Variants in BEST4 observed in about 807,000 individuals in gnomAD.
The protein encoded by BEST4 is bestrophin 4, also known as bestrophin-4.
Under a neutral mutation model 47.1 loss-of-function variants are expected in BEST4, and 36 were observed. The observed-to-expected ratio is 0.76, with a 90% confidence interval of 0.59 to 1.01. The LOEUF (loss-of-function observed/expected upper bound fraction) is 1.01. Among genes scored for constraint, BEST4 ranks in the 50% least tolerant of loss-of-function variants. The pLI, the probability that BEST4 is intolerant of heterozygous loss-of-function variation, is 0.00. For synonymous variants in BEST4, 250 were observed against 277.8 expected (o/e 0.90, Z 1.00); for missense variants, 550 against 648.6 (o/e 0.85, Z 1.65).
upstream of BEST4, among the ~76,000 whole-genome samples, chr1:44,792,538 C>T (rs1651439327): frequency 6.6e-6 from 1 of 152,092 alleles, no homozygotes; most frequent in Admixed American, 6.6e-5. Flanking sequence ...CACAATAGCA[C>T]CAGGTGAGTG....
rs773139236 is a variant in BEST4 at position 44,787,645 on chromosome 1, GC to G, written c.60del (p.Leu21PhefsTer34). 4 of 1,614,120 alleles carry G rather than the reference GC, an allele frequency of 2.5e-6. No homozygotes were observed. The highest frequency in any genetic ancestry group is 3.4e-6 in the Non-Finnish European group (4 of 1,180,038). On this transcript the variant is annotated frameshift_variant, in exon 1 of 9. Coordinates refer to ENST00000372207, the MANE Select transcript of BEST4 (RefSeq NM_153274.3). LOFTEE classifies it high-confidence loss of function. Reference protein sequence around the residue: ...AEARFGGFSGLLLRWRGSIYK... With the variant: ...AEARFGGFSGXLLRWRGSIYK... ...TAGATGCTTCCCCTCCAGCGGAGAA[GC>G]AGGCCAGAGAAACCTCCGAAGCGGG...
Position 44,785,665 on chromosome 1 carries a change from C to T in BEST4, c.648G>A (p.Lys216=), listed in dbSNP as rs1201675407. 6.4e-6 allele frequency: 10 copies of T among 1,553,834 alleles called. 1 individual carries two copies. The Admixed American group carries it at 1.8e-4, about 27-fold the overall frequency. Residue 216 remains lysine, a synonymous_variant, in exon 5 of 9, where the codon AAG becomes AAA. Coordinates refer to ENST00000372207, the MANE Select transcript of BEST4 (RefSeq NM_153274.3). ...ALCLLLEELN[K]YRAKCSMLFH... ...ATAGCATGCTGCACTTGGCTCGGTA[C>T]TTGTTCAGCTCCTGGGGGAACAGCA...
chr1:44,787,664 G>A lies in BEST4; in HGVS notation c.42C>T (p.Phe14=), dbSNP rs754871004. The part of the protein sequence containing the change: ...SYTLKVAEAR[F]GGFSGLLLRW... ...GGAGAAGCAGGCCAGAGAAACCTCC[G>A]AAGCGGGCCTCCGCCACTTTGAGAG... Residue 14 remains phenylalanine (F), a synonymous_variant, in exon 1 of 9, where the codon TTC becomes TTT. Transcript: ENST00000372207. 1.2e-5 allele frequency: 20 copies of A among 1,614,092 alleles called. No individual in the cohort carries two copies. Among genetic ancestry groups the A allele is most frequent in the Admixed American group, 5.0e-5 (3 of 60,008 alleles).
rs1328577534 is a variant in BEST4 at position 44,787,943 on chromosome 1, T to G, written c.-238A>C. The stretch of plus-strand genomic sequence containing the variant: ...AAGGTAGAACTGAGATCTGTGTCCC[T>G]TCATGCATGAGGTTTCCTCAAGCTC... On this transcript the variant is annotated 5_prime_UTR_variant, in exon 1 of 9. Coordinates refer to ENST00000372207, the MANE Select transcript of BEST4 (RefSeq NM_153274.3). Among the ~76,000 whole-genome samples, 1 of 152,202 alleles carries G rather than the reference T, an allele frequency of 6.6e-6. No individual in the cohort carries two copies. The highest frequency in any genetic ancestry group is 6.5e-5 in the Admixed American group (1 of 15,282).
At chr1:44,792,504 G>A (rs1651438907), upstream of BEST4, among the ~76,000 whole-genome samples, 1 of 151,874 alleles carries the variant, frequency 6.6e-6, no homozygotes, top group Admixed American at 6.6e-5. Context: ...GCGCATATTA[G>A]GTGAGTTAAT....
Position 44,785,247 on chromosome 1 carries a change from A to T in BEST4, c.773T>A (p.Val258Glu). 1 of 1,612,844 alleles carries T rather than the reference A, an allele frequency of 6.2e-7. No individual in the cohort carries two copies. Among genetic ancestry groups the T allele is most frequent in the Non-Finnish European group, 8.5e-7 (1 of 1,179,542 alleles). ...FALSLVGRQF[V>E]EPEAGAAKPQ... ...TTTGGCAGCCCCTGCCTCTGGCTCC[A>T]CAAACTGGCGGCCAACCAGGGAGAG... The change falls in exon 6 of 9, where the codon GTG (valine) becomes GAG (glutamate). Residue 258 changes from valine (V) to glutamate (E), a missense_variant. Around this residue, in one of 3 missense-constraint regions of BEST4, gnomAD observed 291 missense variants for 342.4 expected, o/e 0.85. Transcript: ENST00000372207.
chr1:44,783,985 C>G lies in BEST4; in HGVS notation c.*225G>C. On this transcript the variant is annotated 3_prime_UTR_variant, in exon 9 of 9. Coordinates refer to ENST00000372207, the MANE Select transcript of BEST4 (RefSeq NM_153274.3). ...TGCCTGGGCTCATTTATTTTTCTAG[C>G]TTCACGTCCCCCAAGCAACCGACCT... The G allele has an allele frequency of 2.3e-6, 1 of 443,490 alleles. No homozygotes were observed. Among genetic ancestry groups the G allele is most frequent in the East Asian group, 3.6e-5 (1 of 27,726 alleles). The allele number at this position is 443,490 out of a possible 1,614,324, so 27.5% of individuals were successfully genotyped here.
chr1:44,787,387 AG>A lies in BEST4; in HGVS notation c.231del (p.Leu78CysfsTer9), dbSNP rs1651281874. 1 of 1,613,954 alleles carries A rather than the reference AG, an allele frequency of 6.2e-7. No individual in the cohort carries two copies. The highest frequency in any genetic ancestry group is 1.3e-5 in the African/African-American group (1 of 74,894). On this transcript the variant is annotated frameshift_variant, in exon 2 of 9. Transcript: ENST00000372207. LOFTEE classifies it high-confidence loss of function. The part of the protein sequence containing the change: ...RYCNRSADLI[P>X]LSFVLGFYVT... ...GGAGCCTTACCCAATACAAAGGACA[AG>A]GGAATGAGGTCTGCTGAGCGGTTGC...
At position 44,784,619 on chromosome 1, in the gene BEST4, A is replaced by G. The variant is rs1375836011; in HGVS notation, c.1148+10T>C. The G allele has an allele frequency of 6.2e-7, 1 of 1,611,816 alleles. No individual in the cohort carries two copies. The highest frequency in any genetic ancestry group is 1.1e-5 in the South Asian group (1 of 90,886). On this transcript the variant is annotated intron_variant, in intron 8 of 8. Coordinates refer to ENST00000372207, the MANE Select transcript of BEST4 (RefSeq NM_153274.3). The surrounding 1 kb of genome is among the most constrained non-coding windows in gnomAD (Gnocchi z 6.2). ...CGCGTGCCGGGTCAGGCCCAGTGCAAGCCACTCACCGCAGGTTGAAGGTGG... is the reference window on the plus strand; with the variant it reads ...CGCGTGCCGGGTCAGGCCCAGTGCAGGCCACTCACCGCAGGTTGAAGGTGG...
downstream of BEST4, among the ~76,000 whole-genome samples, chr1:44,782,641 TA>T (rs1651074977): frequency 1.6e-5 from 2 of 125,472 alleles, no homozygotes; most frequent in Non-Finnish European, 3.0e-5. Context: ...AATAAATAAA[TA>T]AATAAATAAA....
intron 4 of BEST4, 35 bp from the exon 5 acceptor site, chr1:44,785,711 G>A: frequency 6.5e-7 from 1 of 1,533,068 alleles, no homozygotes; most frequent in African/African-American, 1.4e-5. Flanking sequence ...GTCAGCAGAG[G>A]TGAGGAAGGA....
rs1651273715 is a variant in BEST4, at chr1:44,787,230, C to T, written c.247+142G>A. 5 of 781,330 alleles carry T rather than the reference C, an allele frequency of 6.4e-6. No individual in the cohort carries two copies. The South Asian group carries it at 7.7e-5, about 12-fold the overall frequency. 48.4% of individuals were successfully genotyped at this position (781,330 alleles called of 1,614,324 possible). ...TCCTGGGCTCAAGCGATCCTCTCAC[C>T]TCAGCCTCTCGAGTAGCTGAGACTG... On this transcript the variant is annotated intron_variant, in intron 2 of 8. Transcript: ENST00000372207.
Position 44,787,833 on chromosome 1 carries a change from G to A in BEST4, c.-128C>T. ...CTTCACCCTGCGTCAGTGGACAAGGGGGTAGGAGCCTGCAGAGCAGAAAAG... is the reference window on the plus strand; with the variant it reads ...CTTCACCCTGCGTCAGTGGACAAGGAGGTAGGAGCCTGCAGAGCAGAAAAG... On this transcript the variant is annotated 5_prime_UTR_variant, in exon 1 of 9. Coordinates refer to ENST00000372207, the MANE Select transcript of BEST4 (RefSeq NM_153274.3). The A allele has an allele frequency of 1.7e-6, 2 of 1,158,310 alleles. No individual in the cohort carries two copies. The highest frequency in any genetic ancestry group is 1.5e-5 in the South Asian group (1 of 68,518). 71.8% of individuals were successfully genotyped at this position (1,158,310 alleles called of 1,614,324 possible). A position where few individuals can be genotyped will look rare whatever the true frequency, so the allele number is the denominator to read the frequency against.
intron 1 of BEST4, 35 bp downstream of exon 1, chr1:44,787,519 C>G (rs368542422): frequency 1.2e-6 from 2 of 1,613,970 alleles, no homozygotes; most frequent in African/African-American, 2.7e-5. Context: ...GGCCCAGTCT[C>G]CCCACTTGCG....
At chr1:44,787,137 G>GT (rs1302719746) in intron 2 of BEST4, among the ~76,000 whole-genome samples, 2 of 141,306 alleles carry the variant, frequency 1.4e-5, no homozygotes, top group Non-Finnish European at 3.0e-5. Context: ...ACCGTGTTGA[G>GT]TAATTCTTTT....
intron 5 of BEST4, 106 bp from the exon 6 acceptor site, chr1:44,785,411 T>C: frequency 7.6e-7 from 1 of 1,312,346 alleles, no homozygotes; most frequent in Non-Finnish European, 1.0e-6. Context: ...ATCAAACATG[T>C]ATCCTGGTGT....
At position 44,784,384 on chromosome 1, in the gene BEST4, C is replaced by G; in HGVS notation, c.1248G>C (p.Leu416=). ...AAQTPLLGRF[L]GVGAPSPAIS... ...TGGCCGGGGAGGGCGCCCCTACGCC[C>G]AGGAAGCGGCCGAGCAACGGGGTCT... Residue 416 remains leucine (L), a synonymous_variant, in exon 9 of 9, where the codon CTG becomes CTC. Transcript: ENST00000372207. The surrounding 1 kb of genome is among the most constrained non-coding windows in gnomAD (Gnocchi z 6.2). 1 of 1,400,942 alleles carries G rather than the reference C, an allele frequency of 7.1e-7. No homozygotes were observed. Among genetic ancestry groups the G allele is most frequent in the Non-Finnish European group, 9.2e-7 (1 of 1,089,502 alleles). The allele number at this position is 1,400,942 out of a possible 1,614,324, so 86.8% of individuals were successfully genotyped here. A position where few individuals can be genotyped will look rare whatever the true frequency, so the allele number is the denominator to read the frequency against.
chr1:44,784,314 G>C lies in BEST4; in HGVS notation c.1318C>G (p.Pro440Ala), dbSNP rs748003416. 1.6e-3 allele frequency: 2,168 copies of C among 1,396,944 alleles called. 2 individuals carry two copies. Among genetic ancestry groups the C allele is most frequent in the Non-Finnish European group, 1.9e-3 (2,024 of 1,086,554 alleles). The allele number at this position is 1,396,944 out of a possible 1,614,324, so 86.5% of individuals were successfully genotyped here. ...TCCGCCCGGAAGCGCAGCAGATGCGGGGGGCGGGGGGTGCCTCGCACGCGG... is the reference window on the plus strand; with the variant it reads ...TCCGCCCGGAAGCGCAGCAGATGCGCGGGGCGGGGGGTGCCTCGCACGCGG... ...FGRVRGTPRP[P>A]HLLRFRAEEG... Residue 440 changes from proline (P) to alanine (A), a missense_variant, in exon 9 of 9, where the codon CCG becomes GCG. By Grantham distance (27) the Pro-to-Ala change is conservative. Transcript: ENST00000372207. The surrounding 1 kb of genome is among the most constrained non-coding windows in gnomAD (Gnocchi z 6.2).
Position 44,787,845 on chromosome 1 carries a change from G to T in BEST4, c.-140C>A. ...TCAGTGGACAAGGGGGTAGGAGCCT[G>T]CAGAGCAGAAAAGTACACCCCACCC... On this transcript the variant is annotated 5_prime_UTR_variant, in exon 1 of 9. It introduces an in-frame stop codon into an upstream open reading frame of the 5' UTR. Coordinates refer to ENST00000372207, the MANE Select transcript of BEST4 (RefSeq NM_153274.3). The T allele has an allele frequency of 1.9e-6, 2 of 1,033,216 alleles. No homozygotes were observed. Among genetic ancestry groups the T allele is most frequent in the Non-Finnish European group, 2.8e-6 (2 of 715,804 alleles). The allele number at this position is 1,033,216 out of a possible 1,614,324, so 64.0% of individuals were successfully genotyped here.
Sources: gnomAD v4.1 joint callset for allele counts (sites outside exome capture counted in the v4.1 genomes callset) on GRCh38, gnomAD v4.1.1 for gene constraint, gnomAD v4.1.1 regional missense constraint, Gnocchi (gnomAD v3.1) non-coding constraint, MANE v1.5 for transcripts, NCBI Gene and HGNC (gene_info 2026-07-23, HGNC 2026-07-21) for gene names.